The following GUCY1A1 variants were observed in gnomAD, a reference collection of about 807,000 sequenced individuals.
GUCY1A1 encodes the protein guanylate cyclase 1 soluble subunit alpha 1.
In GUCY1A1, 48 loss-of-function variants were observed where a neutral mutation model predicts 64.5. That is an observed-to-expected ratio of 0.74 (90% confidence interval 0.59 to 0.95). GUCY1A1 has a LOEUF of 0.95. Among genes scored for constraint, GUCY1A1 ranks in the 40% least tolerant of loss-of-function variants. The pLI is 0.00. For synonymous variants in GUCY1A1, 308 were observed against 303.4 expected (o/e 1.02, Z -0.16); for missense variants, 804 against 825.3 (o/e 0.97, Z 0.32).
At chr4:155,676,692 G>T (rs957759236) in intron 2 of GUCY1A1, among the ~76,000 whole-genome samples, 1 of 151,612 alleles carries the variant, frequency 6.6e-6, no homozygotes, top group East Asian at 1.9e-4. Context: ...TAATCTGACA[G>T]CTGTATTTTA....
chr4:155,685,474 A>G (rs1392004871), intron 2 of GUCY1A1, among the ~76,000 whole-genome samples: 1 of 152,102 alleles, frequency 6.6e-6, no homozygotes, highest in Non-Finnish European at 1.5e-5. Flanking sequence ...CTCATGTATC[A>G]CTGAGCTCCT....
At chr4:155,705,061 G>T (rs1218877175) in intron 4 of GUCY1A1, among the ~76,000 whole-genome samples, 1 of 151,920 alleles carries the variant, frequency 6.6e-6, no homozygotes, top group Admixed American at 6.6e-5. Context: ...TTTTTGTTTT[G>T]GTTTTTGTTT....
chr4:155,708,327 GC>G, intron 5 of GUCY1A1, 33 bp downstream of exon 5: 1 of 1,102,300 alleles, frequency 9.1e-7, no homozygotes, highest in South Asian at 1.3e-5. Context: ...TAGAAAGTAT[GC>G]CATATACCTG....
intron 2 of GUCY1A1, among the ~76,000 whole-genome samples, chr4:155,685,603 G>GTTTTT (rs70954055): frequency 3.9e-4 from 42 of 108,810 alleles, no homozygotes; most frequent in East Asian, 1.0e-3. Flanking sequence ...TTCTCCTTGT[G>GTTTTT]TTTTTTTTTT....
At chr4:155,721,732 A>G (rs3796581) in intron 8 of GUCY1A1, among the ~76,000 whole-genome samples, 24,605 of 152,054 alleles carry the variant, frequency 0.16, 2,175 homozygotes, top group East Asian at 0.21. Flanking sequence ...CCCCCTTGCT[A>G]TGTTGCTGTG....
chr4:155,713,398 G>T lies in GUCY1A1; in HGVS notation c.1387G>T (p.Ala463Ser). ...GTGCTCCATATTTCCCTGTGAGGTT[G>T]CTCAGCAGCTGTGGCAAGGGCAAGT... is the stretch of plus-strand genomic sequence containing the variant. ...LLCSIFPCEVAQQLWQGQVVQ... is the reference protein window; with the variant it reads ...LLCSIFPCEVSQQLWQGQVVQ... Residue 463 changes from alanine (A) to serine (S), a missense_variant, in exon 7 of 10, where the codon GCT (alanine) becomes TCT (serine). By Grantham distance (99) the Ala-to-Ser change is moderately conservative (BLOSUM62 1). Coordinates refer to ENST00000506455, the MANE Select transcript of GUCY1A1 (RefSeq NM_001130682.3). 6.2e-7 allele frequency: 1 copy of T among 1,614,168 alleles called. No individual in the cohort carries two copies. The highest frequency in any genetic ancestry group is 8.5e-7 in the Non-Finnish European group (1 of 1,180,016).
rs1732532571 is a variant in GUCY1A1 at position 155,711,235 on chromosome 4, T to C, written c.1070T>C (p.Val357Ala). The change falls in exon 6 of 10, where the codon GTG becomes GCG. Residue 357 changes from valine to alanine, a missense_variant. Val to Ala is a moderately conservative substitution (Grantham distance 64). Transcript: ENST00000506455. ...CGAGTGAGGAGATGGGACAACTCTG[T>C]GAAAAAATCTTCAAGGGTAAGGAAA... ...VVRVRRWDNS[V>A]KKSSRVMDLK... The C allele has an allele frequency of 1.3e-6, 2 of 1,560,034 alleles. No homozygotes were observed. Among genetic ancestry groups the C allele is most frequent in the Non-Finnish European group, 8.8e-7 (1 of 1,131,338 alleles).
intron 8 of GUCY1A1, 23 bp from the exon 9 acceptor site, chr4:155,722,015 A>G (rs917937699): frequency 1.3e-6 from 2 of 1,499,526 alleles, no homozygotes; most frequent in African/African-American, 1.4e-5. Flanking sequence ...GACTGGGAAC[A>G]TCATGTTATT....
At chr4:155,712,972 C>A (rs1732768783) in intron 6 of GUCY1A1, 126 bp from the exon 7 acceptor site, 1 of 748,296 alleles carries the variant, frequency 1.3e-6, no homozygotes, top group Admixed American at 2.7e-5. Context: ...TATAAGAAAG[C>A]AAATTGTTCC....
intron 2 of GUCY1A1, among the ~76,000 whole-genome samples, chr4:155,682,572 T>C (rs564428452): frequency 6.6e-6 from 1 of 152,114 alleles, no homozygotes; most frequent in African/African-American, 2.4e-5. Context: ...CACAGGAGGC[T>C]GAGGCCGGAG....
intron 2 of GUCY1A1, among the ~76,000 whole-genome samples, chr4:155,688,453 TC>T (rs1729306272): frequency 6.6e-6 from 1 of 152,140 alleles, no homozygotes; most frequent in African/African-American, 2.4e-5. Flanking sequence ...CTAAAAGAAA[TC>T]TATCAATTAG....
At chr4:155,700,010 A>T (rs1579059092) in intron 3 of GUCY1A1, among the ~76,000 whole-genome samples, 2 of 152,230 alleles carry the variant, frequency 1.3e-5, no homozygotes, top group Non-Finnish European at 2.9e-5. Flanking sequence ...ACATAAATTT[A>T]GATCTCTTGC....
At chr4:155,687,288 G>A (rs1024963996) in intron 2 of GUCY1A1, among the ~76,000 whole-genome samples, 2 of 152,110 alleles carry the variant, frequency 1.3e-5, no homozygotes, top group African/African-American at 4.8e-5. Flanking sequence ...GTTATAAAAA[G>A]TTGCCTAGAG....
chr4:155,695,318 A>G (rs1730272024), intron 2 of GUCY1A1, among the ~76,000 whole-genome samples: 1 of 152,134 alleles, frequency 6.6e-6, no homozygotes, highest in Admixed American at 6.5e-5. Flanking sequence ...TTATGGGAAC[A>G]TATTAAGGGC....
At chr4:155,687,016 T>A (rs930945291) in intron 2 of GUCY1A1, among the ~76,000 whole-genome samples, 2 of 152,202 alleles carry the variant, frequency 1.3e-5, no homozygotes, top group Admixed American at 6.5e-5. Context: ...TTTCTATATT[T>A]GTAGGATAAT....
At chr4:155,681,628 C>G (rs1216786410) in intron 2 of GUCY1A1, among the ~76,000 whole-genome samples, 1 of 152,062 alleles carries the variant, frequency 6.6e-6, no homozygotes, top group African/African-American at 2.4e-5. Context: ...AACACGTGTC[C>G]TCTTTCATAT....
At chr4:155,712,447 C>G (rs965562450) in intron 6 of GUCY1A1, among the ~76,000 whole-genome samples, 1 of 152,168 alleles carries the variant, frequency 6.6e-6, no homozygotes, top group African/African-American at 2.4e-5. Context: ...TTGCTTTTGG[C>G]TTTTTGCTGC....
intron 2 of GUCY1A1, among the ~76,000 whole-genome samples, chr4:155,676,357 G>A (rs1734947426): frequency 6.7e-6 from 1 of 149,582 alleles, no homozygotes; most frequent in African/African-American, 2.5e-5. Flanking sequence ...TCATTCCTGG[G>A]GATGGTTGGG....
chr4:155,695,622 G>A (rs548618897), intron 2 of GUCY1A1, among the ~76,000 whole-genome samples: 140 of 152,298 alleles, frequency 9.2e-4, no homozygotes, highest in African/African-American at 3.0e-3. Context: ...CCCTAGTTCA[G>A]TCATTCTCTA....
Sources: allele counts gnomAD v4.1 joint callset (sites outside exome capture counted in the v4.1 genomes callset), GRCh38; gene constraint gnomAD v4.1.1; transcripts MANE v1.5; gene names NCBI Gene and HGNC (gene_info 2026-07-23, HGNC 2026-07-21).